FRS2: variants seen among roughly 807,000 people sequenced by gnomAD.
FRS2 encodes the protein FGFR signalling adaptor.
FRS2 carries 8 observed loss-of-function variants against 43.9 expected under a neutral mutation model. That is an observed-to-expected ratio of 0.18 (90% confidence interval 0.11 to 0.33). The LOEUF is 0.33. FRS2 is among the 10% of genes least tolerant of loss of function. The pLI, the probability that FRS2 is intolerant of heterozygous loss-of-function variation, is 1.00. For synonymous variants in FRS2, 219 were observed against 220.3 expected (o/e 0.99, Z 0.05); for missense variants, 534 against 627.6 (o/e 0.85, Z 1.59).
chr12:69,473,702 GCTGA>G (rs1226400028), intron 1 of FRS2, among the ~76,000 whole-genome samples: 1 of 152,170 alleles, frequency 6.6e-6, no homozygotes, highest in Non-Finnish European at 1.5e-5. Flanking sequence ...GATGTGGAAA[GCTGA>G]CTTTCAATGT....
At chr12:69,563,375 T>C (rs1198103784) in intron 4 of FRS2, among the ~76,000 whole-genome samples, 1 of 152,248 alleles carries the variant, frequency 6.6e-6, no homozygotes, top group Non-Finnish European at 1.5e-5. Flanking sequence ...CCCTCACTCA[T>C]GCTAAGCCTG....
intron 1 of FRS2, among the ~76,000 whole-genome samples, chr12:69,515,591 A>G (rs960053853): frequency 1.4e-4 from 22 of 152,094 alleles, no homozygotes; most frequent in African/African-American, 4.8e-4. Context: ...TCTCTCACAC[A>G]CATACACATA....
intron 3 of FRS2, among the ~76,000 whole-genome samples, chr12:69,550,914 G>A (rs909395258): frequency 6.6e-6 from 1 of 152,130 alleles, no homozygotes; most frequent in African/African-American, 2.4e-5. Flanking sequence ...TTTTTAAAAA[G>A]ATTATTTAAA....
intron 5 of FRS2, among the ~76,000 whole-genome samples, chr12:69,569,458 C>T (rs543405429): frequency 9.9e-5 from 15 of 152,184 alleles, no homozygotes; most frequent in Non-Finnish European, 1.6e-4. Context: ...TCTGATTCAT[C>T]CTGTAGTCAC....
chr12:69,536,829 A>G (rs2135686614), intron 3 of FRS2, among the ~76,000 whole-genome samples: 1 of 152,152 alleles, frequency 6.6e-6, no homozygotes, highest in South Asian at 2.1e-4. Flanking sequence ...TCAGCCTCCC[A>G]AAGTGTTGGA....
In FRS2 at chr12:69,551,370, A is replaced by C. The variant is rs754022384; in HGVS notation, c.-121-10810A>C. On this transcript the variant is annotated intron_variant, in intron 3 of 8. Coordinates refer to ENST00000549921, the MANE Select transcript of FRS2 (RefSeq NM_001278356.2). The stretch of plus-strand genomic sequence containing the variant: ...CCTGTCTCAAAACAAACAAACAAAC[A>C]AACCCAACTACCAGTAATTATATGT... 9.0e-5 allele frequency among the ~76,000 whole-genome samples: 7 copies of C among 78,212 alleles called. No homozygotes were observed. In the East Asian group the frequency reaches 1.3e-3, roughly 15 times the overall value. 51.3% of individuals were successfully genotyped at this position (78,212 alleles called of 152,430 possible).
At chr12:69,566,361 T>C (rs1471277047) in intron 4 of FRS2, among the ~76,000 whole-genome samples, 2 of 152,164 alleles carry the variant, frequency 1.3e-5, no homozygotes, top group South Asian at 2.1e-4. Context: ...AGAACAAATA[T>C]GTACTTTCAA....
intron 1 of FRS2, among the ~76,000 whole-genome samples, chr12:69,527,075 A>G (rs1371397066): frequency 6.6e-6 from 1 of 151,980 alleles, no homozygotes; most frequent in Non-Finnish European, 1.5e-5. Flanking sequence ...GAACCCTGAC[A>G]TTTTTTCCCT....
intron 3 of FRS2, among the ~76,000 whole-genome samples, chr12:69,543,572 A>G (rs1459068749): frequency 6.6e-6 from 1 of 152,204 alleles, no homozygotes; most frequent in East Asian, 1.9e-4. Flanking sequence ...ATGATGTAGT[A>G]GGGAAAGAGG....
At chr12:69,573,336 G>A (rs964224903) in intron 8 of FRS2, among the ~76,000 whole-genome samples, 2 of 151,898 alleles carry the variant, frequency 1.3e-5, no homozygotes, top group African/African-American at 4.8e-5. Flanking sequence ...ATTTATTTCT[G>A]GATCATGTTT....
At chr12:69,474,077 G>A (rs1182393111) in intron 1 of FRS2, among the ~76,000 whole-genome samples, 1 of 152,090 alleles carries the variant, frequency 6.6e-6, no homozygotes, top group African/African-American at 2.4e-5. Context: ...TCTTGACCTC[G>A]TGATCCGCCT....
At chr12:69,518,559 A>G (rs539926507) in intron 1 of FRS2, among the ~76,000 whole-genome samples, 1 of 152,048 alleles carries the variant, frequency 6.6e-6, no homozygotes, top group Admixed American at 6.5e-5. Flanking sequence ...CATAGAAAAA[A>G]TATAATTAGC....
chr12:69,550,353 A>G (rs1878767454), intron 3 of FRS2, among the ~76,000 whole-genome samples: 1 of 152,180 alleles, frequency 6.6e-6, no homozygotes, highest in Admixed American at 6.6e-5. Flanking sequence ...ATTGCATGCA[A>G]CAACCACTTC....
At chr12:69,559,239 C>T (rs1879680040) in intron 3 of FRS2, among the ~76,000 whole-genome samples, 1 of 152,176 alleles carries the variant, frequency 6.6e-6, no homozygotes, top group Non-Finnish European at 1.5e-5. Flanking sequence ...CTTTCTTGAT[C>T]ATACTGGTTT....
At chr12:69,560,923 C>T (rs1384122188) in intron 3 of FRS2, among the ~76,000 whole-genome samples, 1 of 152,094 alleles carries the variant, frequency 6.6e-6, no homozygotes, top group African/African-American at 2.4e-5. Context: ...ACTATCATTT[C>T]TCTTAATTTT....
intron 1 of FRS2, among the ~76,000 whole-genome samples, chr12:69,510,933 A>G (rs940929850): frequency 6.6e-6 from 1 of 152,206 alleles, no homozygotes; most frequent in African/African-American, 2.4e-5. Flanking sequence ...AGCTCTTTGA[A>G]CATGTTCTGA....
intron 1 of FRS2, among the ~76,000 whole-genome samples, chr12:69,504,384 T>C (rs1392956101): frequency 6.6e-6 from 1 of 151,940 alleles, no homozygotes; most frequent in Non-Finnish European, 1.5e-5. Flanking sequence ...ATAAAAAGTT[T>C]TTAAGGGAAT....
intron 4 of FRS2, 133 bp downstream of exon 4, chr12:69,562,407 T>C: frequency 2.6e-6 from 1 of 386,962 alleles, no homozygotes; most frequent in Non-Finnish European, 4.6e-6. Flanking sequence ...CAAGCGATTC[T>C]CCACCTCAGC....
At chr12:69,557,615 T>TGCGC (rs1232641732) in intron 3 of FRS2, among the ~76,000 whole-genome samples, 9 of 121,958 alleles carry the variant, frequency 7.4e-5, no homozygotes, top group African/African-American at 2.6e-4. Flanking sequence ...TGTGTGTGTG[T>TGCGC]GTGTGCGCGC....
Sources: gnomAD v4.1 joint callset for allele counts (sites outside exome capture counted in the v4.1 genomes callset) on GRCh38, gnomAD v4.1.1 for gene constraint, MANE v1.5 for transcripts, NCBI Gene and HGNC (gene_info 2026-07-23, HGNC 2026-07-21) for gene names.